Variants in ULK2 observed in about 807,000 individuals in gnomAD.
ULK2 encodes serine/threonine-protein kinase ULK2.
In ULK2, 76 loss-of-function variants were observed where a neutral mutation model predicts 127.5. That is an observed-to-expected ratio of 0.60 (90% CI 0.50 to 0.72). The LOEUF (loss-of-function observed/expected upper bound fraction) is 0.72, where lower values mean the gene tolerates loss of function less well. ULK2 is among the 30% of genes least tolerant of loss of function. The pLI is 0.00. For synonymous variants in ULK2, 452 were observed against 461.9 expected (o/e 0.98, Z 0.28); for missense variants, 1,144 against 1,295.9 (o/e 0.88, Z 1.80).
chr17:19,772,777 C>T lies in ULK2; in HGVS notation c.*3572G>A, dbSNP rs535321835. The T allele has an allele frequency of 2.7e-5, 4 of 149,018 alleles. No homozygotes were observed. The highest frequency in any genetic ancestry group is 1.3e-4 in the Admixed American group (2 of 14,936). The allele number at this position is 149,018 out of a possible 1,614,324, so 9.2% of individuals were successfully genotyped here. ...CGGGCGGATCACGAGGTCAGGAGAT[C>T]GAGACCATCCTAACACGGTGAAACC... On this transcript the variant is annotated 3_prime_UTR_variant, in exon 27 of 27. Coordinates refer to ENST00000395544, the MANE Select transcript of ULK2 (RefSeq NM_014683.4).
Position 19,864,827 on chromosome 17 carries a change from AT to A in ULK2, c.200del (p.Asn67IlefsTer3). 1 of 1,327,418 alleles carries A rather than the reference AT, an allele frequency of 7.5e-7. No individual in the cohort carries two copies. Among genetic ancestry groups the A allele is most frequent in the Non-Finnish European group, 1.0e-6 (1 of 1,004,970 alleles). 82.2% of individuals were successfully genotyped at this position (1,327,418 alleles called of 1,614,324 possible). The stretch of plus-strand genomic sequence containing the variant: ...CCTGAACATCATAGAGTGCTACAAT[AT>A]TTTCATGCTGAAGTTCCTATTAAGA... ...IKILKELQHE[N>X]IVALYDVQEL... is the part of the protein sequence containing the mutation. On this transcript the variant is annotated frameshift_variant, in exon 3 of 27. Transcript: ENST00000395544. LOFTEE classifies it high-confidence loss of function.
At chr17:19,800,180 T>C (rs2087367413) in intron 16 of ULK2, among the ~76,000 whole-genome samples, 1 of 152,212 alleles carries the variant, frequency 6.6e-6, no homozygotes, top group Non-Finnish European at 1.5e-5. Flanking sequence ...TGGACCTATG[T>C]CTTGGTCTGA....
At chr17:19,791,953 G>A (rs866893173) in intron 20 of ULK2, among the ~76,000 whole-genome samples, 4 of 151,270 alleles carry the variant, frequency 2.6e-5, no homozygotes, top group South Asian at 2.1e-4. Flanking sequence ...ATATAAATAC[G>A]TGGAAATTAA....
rs1317249104 is a variant in ULK2, at chr17:19,789,571, A to AT, written c.2102-3486dup. Among the ~76,000 whole-genome samples the AT allele has an allele frequency of 2.0e-5, 3 of 152,224 alleles. No individual in the cohort carries two copies. In the East Asian group the frequency reaches 5.8e-4, roughly 29 times the overall value. On this transcript the variant is annotated intron_variant, in intron 20 of 26. Transcript: ENST00000395544. ...GAACTAAATAAGGCACCAGGGACCA[A>AT]TCATGGAGAAACAGATACATAACCT... is the stretch of plus-strand genomic sequence containing the variant.
At chr17:19,856,835 G>T (rs527987583) in intron 3 of ULK2, among the ~76,000 whole-genome samples, 17 of 151,254 alleles carry the variant, frequency 1.1e-4, no homozygotes, top group Non-Finnish European at 2.2e-4. Flanking sequence ...AAATTAGCCA[G>T]GCATGGTGGT....
At chr17:19,849,833 T>A (rs541760505) in intron 3 of ULK2, 59 bp from the exon 4 acceptor site, 2 of 1,028,838 alleles carry the variant, frequency 1.9e-6, no homozygotes, top group Non-Finnish European at 2.8e-6. Context: ...AATTTAAAGA[T>A]AATGATAGTT....
At chr17:19,855,089 G>A (rs1036836599) in intron 3 of ULK2, among the ~76,000 whole-genome samples, 1 of 125,300 alleles carries the variant, frequency 8.0e-6, no homozygotes. Flanking sequence ...AAAAGAACAA[G>A]ATTCCATCTC....
chr17:19,785,918 T>C lies in ULK2; in HGVS notation c.2251+19A>G, dbSNP rs1169024198. The C allele has an allele frequency of 1.3e-6, 2 of 1,594,378 alleles. No homozygotes were observed. Among genetic ancestry groups the C allele is most frequent in the Admixed American group, 1.8e-5 (1 of 56,168 alleles). ...TCCAAATACTAGCCAAAGACTGTAA[T>C]ATAACAAATGCTCCTTACCTGAGGT... On this transcript the variant is annotated intron_variant, in intron 21 of 26. Coordinates refer to ENST00000395544, the MANE Select transcript of ULK2 (RefSeq NM_014683.4).
In ULK2 at chr17:19,774,010, G is replaced by C. The variant is rs2086773544; in HGVS notation, c.*2339C>G. The C allele has an allele frequency of 4.4e-5, 4 of 91,024 alleles. No homozygotes were observed. The Admixed American group carries it at 5.3e-4, about 12-fold the overall frequency. The allele number at this position is 91,024 out of a possible 1,614,324, so 5.6% of individuals were successfully genotyped here. A position where few individuals can be genotyped will look rare whatever the true frequency, so the allele number is the denominator to read the frequency against. The stretch of plus-strand genomic sequence containing the variant: ...TCTCTCTATATATAGTCCAGTGGAG[G>C]GTATAGTTAAAGCAAACCCTTAGAG... On this transcript the variant is annotated 3_prime_UTR_variant, in exon 27 of 27. Transcript: ENST00000395544.
At chr17:19,802,350 T>C (rs184986807) in intron 15 of ULK2, among the ~76,000 whole-genome samples, 2 of 152,354 alleles carry the variant, frequency 1.3e-5, no homozygotes, top group Non-Finnish European at 2.9e-5. Context: ...ATGTAATTTA[T>C]ATCTATTGAT....
chr17:19,784,680 T>C (rs140800969), intron 21 of ULK2, among the ~76,000 whole-genome samples: 1,799 of 151,918 alleles, frequency 0.012, 32 homozygotes, highest in East Asian at 0.061. Context: ...TATGCCACCA[T>C]GTCTGGCTAA....
rs1006432039 is a variant in ULK2 at position 19,809,837 on chromosome 17, G to A, written c.1157+541C>T. Among the ~76,000 whole-genome samples the A allele has an allele frequency of 7.9e-5, 12 of 151,798 alleles. No individual in the cohort carries two copies. In the South Asian group the frequency reaches 1.9e-3, roughly 24 times the overall value. On this transcript the variant is annotated intron_variant, in intron 14 of 26. Transcript: ENST00000395544. The stretch of plus-strand genomic sequence containing the variant: ...GGAGAATGGCTTGAACCCAGGAGGC[G>A]GTGGTTGCAGTGAGCCAACATCCCA...
intron 7 of ULK2, among the ~76,000 whole-genome samples, chr17:19,844,276 C>G (rs1484349729): frequency 6.6e-6 from 1 of 152,082 alleles, no homozygotes; most frequent in South Asian, 2.1e-4. Context: ...AGTTTTATTT[C>G]TCAGATGTAA....
chr17:19,793,894 T>G (rs1340087413), intron 20 of ULK2, among the ~76,000 whole-genome samples: 3 of 152,184 alleles, frequency 2.0e-5, no homozygotes, highest in Non-Finnish European at 4.4e-5. Context: ...ATGGCAGAGA[T>G]ACTGGAATTG....
At position 19,858,975 on chromosome 17, in the gene ULK2, A is replaced by AAAAG. The variant is rs1271503641; in HGVS notation, c.225+5824_225+5827dup. Among the ~76,000 whole-genome samples, 8 of 152,202 alleles carry AAAAG rather than the reference A, an allele frequency of 5.3e-5. No homozygotes were observed. In the South Asian group the frequency reaches 1.0e-3, roughly 20 times the overall value. On this transcript the variant is annotated intron_variant, in intron 3 of 26. Transcript: ENST00000395544. ...ACAGAGTGAAACTCCGTCTCAAAAA[A>AAAAG]AAAGAAAGAAAGAAAGAAAAGTAAT...
chr17:19,840,579 A>G (rs1466808147), intron 9 of ULK2: 1 of 259,802 alleles, frequency 3.8e-6, no homozygotes, highest in East Asian at 1.1e-4. Context: ...AAAAAAAAAA[A>G]AAAAAGCATA....
At chr17:19,827,873 G>A (rs1486742988) in intron 10 of ULK2, among the ~76,000 whole-genome samples, 1 of 151,566 alleles carries the variant, frequency 6.6e-6, no homozygotes, top group Non-Finnish European at 1.5e-5. Flanking sequence ...ACCTGCCATT[G>A]CGCTCCAGCC....
intron 20 of ULK2, among the ~76,000 whole-genome samples, chr17:19,790,961 A>T (rs1046094533): frequency 1.3e-5 from 2 of 152,242 alleles, no homozygotes; most frequent in Non-Finnish European, 2.9e-5. Flanking sequence ...AGGATATGAC[A>T]ACTGTAGATA....
At chr17:19,790,769 A>C (rs976606337) in intron 20 of ULK2, among the ~76,000 whole-genome samples, 7 of 152,188 alleles carry the variant, frequency 4.6e-5, no homozygotes, top group African/African-American at 1.7e-4. Flanking sequence ...TAAGAAACAC[A>C]CTTCACCTAT....
Sources: gnomAD v4.1 joint callset for allele counts (sites outside exome capture counted in the v4.1 genomes callset) on GRCh38, gnomAD v4.1.1 for gene constraint, MANE v1.5 for transcripts, NCBI Gene and HGNC (gene_info 2026-07-23, HGNC 2026-07-21) for gene names.